The following FRMPD2 variants were observed in gnomAD, a reference collection of about 807,000 sequenced individuals.
The protein encoded by FRMPD2 is FERM and PDZ domain containing 2.
In FRMPD2, 96 loss-of-function variants were observed where a neutral mutation model predicts 140.1. The ratio of observed to expected loss-of-function variants is 0.69; its 90% CI spans 0.58 to 0.81. FRMPD2 has a LOEUF of 0.81. Ranked by LOEUF, FRMPD2 falls within the 40% of genes least tolerant of loss-of-function variation. FRMPD2 has a pLI of 0.00. For synonymous variants in FRMPD2, 449 were observed against 547.6 expected (o/e 0.82, Z 2.52); for missense variants, 1,240 against 1,447.4 (o/e 0.86, Z 2.32).
intron 2 of FRMPD2, among the ~76,000 whole-genome samples, chr10:48,250,068 C>T (rs1840339086): frequency 6.6e-6 from 1 of 152,030 alleles, no homozygotes; most frequent in African/African-American, 2.4e-5. Context: ...ATGTGACCAC[C>T]TTCTCAAATC....
At chr10:48,214,363 A>G (rs1303483227) in intron 12 of FRMPD2, among the ~76,000 whole-genome samples, 6 of 152,294 alleles carry the variant, frequency 3.9e-5, no homozygotes, top group African/African-American at 9.6e-5. Context: ...GTCTTTATAC[A>G]TTTGTCAAAA....
At chr10:48,227,731 AC>A (rs538990655) in intron 10 of FRMPD2, among the ~76,000 whole-genome samples, 71 of 152,340 alleles carry the variant, frequency 4.7e-4, no homozygotes, top group Admixed American at 3.2e-3. Context: ...TCCTATTGGT[AC>A]ATGCGAGAAG....
chr10:48,248,115 C>T (rs1051965059), intron 3 of FRMPD2, among the ~76,000 whole-genome samples: 2 of 152,148 alleles, frequency 1.3e-5, no homozygotes, highest in Non-Finnish European at 1.5e-5. Flanking sequence ...GAATGCCTCC[C>T]GAGGGTAGCA....
At chr10:48,181,169 A>AT (rs1451310324) in intron 20 of FRMPD2, among the ~76,000 whole-genome samples, 161 bp from the exon 21 acceptor site, 2 of 151,432 alleles carry the variant, frequency 1.3e-5, no homozygotes, top group Non-Finnish European at 3.0e-5. Context: ...TTACATTTAG[A>AT]TTAGAGAAAG....
At position 48,261,404 on chromosome 10, in the gene FRMPD2, G is replaced by A. The variant is rs1840587989; in HGVS notation, c.26-9713C>T. Reference sequence around the variant, plus strand: ...TTCCCCAGCAAAAAAAAGTGAGAGAGAGAGAAATGTAACTTACATATATAG... The same window carrying A: ...TTCCCCAGCAAAAAAAAGTGAGAGAAAGAGAAATGTAACTTACATATATAG... On this transcript the variant is annotated intron_variant, in intron 1 of 28. Transcript: ENST00000374201. Among the ~76,000 whole-genome samples the A allele has an allele frequency of 3.3e-5, 5 of 151,888 alleles. 1 individual carries two copies. In the South Asian group the frequency reaches 1.0e-3, roughly 31 times the overall value.
chr10:48,250,194 A>G (rs971506164), intron 2 of FRMPD2, among the ~76,000 whole-genome samples: 3 of 151,918 alleles, frequency 2.0e-5, no homozygotes, highest in African/African-American at 7.3e-5. Flanking sequence ...CGTGCTCCCT[A>G]CCTGGCCACC....
rs563145008 is a variant in FRMPD2 at position 48,251,907 on chromosome 10, G to A, written c.26-216C>T. On this transcript the variant is annotated intron_variant, in intron 1 of 28. Coordinates refer to ENST00000374201, the MANE Select transcript of FRMPD2 (RefSeq NM_001018071.4). The stretch of plus-strand genomic sequence containing the variant: ...GGAGGACTGACCAGGTTGGCTGGTC[G>A]GTTCTCAGTGAATGAGTAAACAAAC... 2.8e-5 allele frequency: 15 copies of A among 540,916 alleles called. No homozygotes were observed. The Admixed American group carries it at 3.0e-4, about 11-fold the overall frequency. 33.5% of individuals were successfully genotyped at this position (540,916 alleles called of 1,614,324 possible).
At chr10:48,243,846 T>G (rs1459573182) in intron 4 of FRMPD2, among the ~76,000 whole-genome samples, 10 of 152,176 alleles carry the variant, frequency 6.6e-5, no homozygotes, top group Admixed American at 6.5e-4. Context: ...TCTAGCCAGG[T>G]CAGCTAGGCA....
chr10:48,184,734 T>C (rs1407692941), intron 19 of FRMPD2, 40 bp downstream of exon 19: 21 of 1,598,948 alleles, frequency 1.3e-5, no homozygotes, highest in Middle Eastern at 1.7e-4. Context: ...AAAAGAGTGG[T>C]TTCTTAAAAC....
intron 15 of FRMPD2, among the ~76,000 whole-genome samples, chr10:48,197,403 C>A (rs1838979632): frequency 6.6e-6 from 1 of 152,204 alleles, no homozygotes; most frequent in Non-Finnish European, 1.5e-5. Context: ...CCAATGAGGA[C>A]ACTCCAGCTC....
rs1347842600 is a variant in FRMPD2, at chr10:48,171,355, T to G, written c.3224-147A>C. 38 of 695,120 alleles carry G rather than the reference T, an allele frequency of 5.5e-5. 1 individual carries two copies. The highest frequency in any genetic ancestry group is 1.0e-4 in the Non-Finnish European group (38 of 373,706). The allele number at this position is 695,120 out of a possible 1,614,324, so 43.1% of individuals were successfully genotyped here. On this transcript the variant is annotated intron_variant, in intron 25 of 28. Coordinates refer to ENST00000374201, the MANE Select transcript of FRMPD2 (RefSeq NM_001018071.4). ...GCTAATTTTATGACAGAGTACATTATGTATGTTATAGATTAGTGCTGTCCA... is the reference window on the plus strand; with the variant it reads ...GCTAATTTTATGACAGAGTACATTAGGTATGTTATAGATTAGTGCTGTCCA...
chr10:48,242,315 A>C lies in FRMPD2; in HGVS notation c.413T>G (p.Leu138Arg). 6.2e-7 allele frequency: 1 copy of C among 1,614,070 alleles called. No homozygotes were observed. Among genetic ancestry groups the C allele is most frequent in the Admixed American group, 1.7e-5 (1 of 60,030 alleles). The change falls in exon 5 of 29, where the codon CTG becomes CGG. Residue 138 changes from leucine (L) to arginine (R), a missense_variant. Leu to Arg is a moderately radical substitution (Grantham distance 102, BLOSUM62 -2). Transcript: ENST00000374201. ...GTGAGGCTGGTCTTCACACATGGTC[A>C]GCAGGATGGAGTGCAGGGGCTCGCA... ...QLCEPLHSIL[L>R]TMCEDQPHRR...
intron 16 of FRMPD2, among the ~76,000 whole-genome samples, chr10:48,190,815 C>A (rs954773505): frequency 6.6e-6 from 1 of 152,198 alleles, no homozygotes; most frequent in Admixed American, 6.5e-5. Context: ...CACTGAAAAG[C>A]CCCTACTGTG....
intron 12 of FRMPD2, among the ~76,000 whole-genome samples, chr10:48,218,596 T>C (rs1261579562): frequency 1.3e-5 from 2 of 152,164 alleles, no homozygotes; most frequent in African/African-American, 2.4e-5. Context: ...TACACAATGA[T>C]TGGCTTCAGG....
At chr10:48,235,830 C>A (rs542315346) in intron 9 of FRMPD2, among the ~76,000 whole-genome samples, 41 of 152,246 alleles carry the variant, frequency 2.7e-4, no homozygotes, top group African/African-American at 7.7e-4. Context: ...GTGAGACCAG[C>A]CACACATGGG....
chr10:48,254,665 A>G (rs797011016), intron 1 of FRMPD2, among the ~76,000 whole-genome samples: 6 of 152,356 alleles, frequency 3.9e-5, no homozygotes, highest in African/African-American at 1.4e-4. Context: ...CACTGTTCAG[A>G]GTGCTTTATG....
chr10:48,247,172 A>T (rs905377990), intron 3 of FRMPD2, among the ~76,000 whole-genome samples: 3 of 152,184 alleles, frequency 2.0e-5, no homozygotes, highest in African/African-American at 7.2e-5. Flanking sequence ...AGTGTGCAGG[A>T]GGAAGGAACA....
intron 10 of FRMPD2, among the ~76,000 whole-genome samples, chr10:48,231,897 A>G (rs1053002543): frequency 2.0e-5 from 3 of 152,198 alleles, no homozygotes; most frequent in African/African-American, 7.2e-5. Context: ...ACAGAAACCC[A>G]CATCTTACAC....
chr10:48,269,619 C>T (rs941854364), intron 1 of FRMPD2, among the ~76,000 whole-genome samples: 4 of 152,170 alleles, frequency 2.6e-5, no homozygotes, highest in Non-Finnish European at 5.9e-5. Context: ...GGGTTCCCAG[C>T]CTAATGCAGG....
Sources: allele counts gnomAD v4.1 joint callset (sites outside exome capture counted in the v4.1 genomes callset), GRCh38; gene constraint gnomAD v4.1.1; transcripts MANE v1.5; gene names NCBI Gene and HGNC (gene_info 2026-07-23, HGNC 2026-07-21).